The following GCLM variants were observed in gnomAD, a reference collection of about 807,000 sequenced individuals.
GCLM encodes the protein glutamate-cysteine ligase modifier subunit.
GCLM carries 15 observed loss-of-function variants against 36.0 expected under a neutral mutation model. The ratio of observed to expected loss-of-function variants is 0.42; its 90% CI spans 0.28 to 0.64. The LOEUF is 0.64. Among genes scored for constraint, GCLM ranks in the 30% least tolerant of loss-of-function variants. GCLM has a pLI of 0.25. For synonymous variants in GCLM, 129 were observed against 122.8 expected, an observed-to-expected ratio of 1.05 and a Z score of -0.34; for missense variants, 242 against 325.5, an observed-to-expected ratio of 0.74 and a Z score of 1.97.
intron 6 of GCLM, among the ~76,000 whole-genome samples, chr1:93,894,403 T>C (rs1297595178): frequency 6.6e-6 from 1 of 152,092 alleles, no homozygotes; most frequent in Middle Eastern, 3.2e-3. Context: ...GTTCAGGAAA[T>C]GATCCCTTCA....
Position 93,885,215 on chromosome 1 carries a change from T to G in GCLM, c.*3775A>C, listed in dbSNP as rs1571190652. The stretch of plus-strand genomic sequence containing the variant: ...GCTTTATGATTTGGATGTTTTTAAA[T>G]TATTAATTTATTTTCAAATCATACT... On this transcript the variant is annotated 3_prime_UTR_variant, in exon 7 of 7. Coordinates refer to ENST00000370238, the MANE Select transcript of GCLM (RefSeq NM_002061.4). 1 of 152,222 alleles carries G rather than the reference T, an allele frequency of 6.6e-6. No homozygotes were observed. The highest frequency in any genetic ancestry group is 2.4e-5 in the African/African-American group (1 of 41,456). 9.4% of individuals were successfully genotyped at this position (152,222 alleles called of 1,614,324 possible).
chr1:93,892,798 A>G (rs1376730045), intron 6 of GCLM, among the ~76,000 whole-genome samples: 1 of 152,130 alleles, frequency 6.6e-6, no homozygotes, highest in Non-Finnish European at 1.5e-5. Flanking sequence ...TTCCTTTCCT[A>G]CTAGTAAAAG....
chr1:93,892,472 A>C (rs1656572826), intron 6 of GCLM, among the ~76,000 whole-genome samples: 1 of 152,186 alleles, frequency 6.6e-6, no homozygotes, highest in African/African-American at 2.4e-5. Flanking sequence ...TTAAAATTTA[A>C]TTATGGTTGA....
chr1:93,890,211 C>T (rs922088201), intron 6 of GCLM, among the ~76,000 whole-genome samples: 8 of 151,642 alleles, frequency 5.3e-5, no homozygotes, highest in East Asian at 1.9e-4. Flanking sequence ...TGCCCGGCCT[C>T]GAAAAATATT....
chr1:93,901,177 G>A (rs542240025), intron 3 of GCLM, among the ~76,000 whole-genome samples: 1 of 152,236 alleles, frequency 6.6e-6, no homozygotes, highest in African/African-American at 2.4e-5. Flanking sequence ...AACTTGCCCA[G>A]GTTTCTTTTT....
intron 6 of GCLM, among the ~76,000 whole-genome samples, chr1:93,891,890 T>C (rs1025253170): frequency 2.0e-5 from 3 of 152,214 alleles, no homozygotes; most frequent in African/African-American, 7.2e-5. Context: ...ACTCAGTTAA[T>C]CCACATGCTA....
At chr1:93,889,549 CT>C (rs1656454719) in intron 6 of GCLM, among the ~76,000 whole-genome samples, 3 of 151,674 alleles carry the variant, frequency 2.0e-5, no homozygotes, top group Admixed American at 6.6e-5. Context: ...TTCCTTACAA[CT>C]TTTTTGGTGT....
intron 4 of GCLM, 85 bp downstream of exon 4, chr1:93,897,754 C>A: frequency 1.5e-6 from 1 of 685,082 alleles, no homozygotes; most frequent in Non-Finnish European, 2.4e-6. Flanking sequence ...TTTCTTTTTA[C>A]CTGGACCTAA....
At chr1:93,908,541 A>C (rs942410562) in intron 1 of GCLM, 1 of 152,284 alleles carries the variant, frequency 6.6e-6, no homozygotes, top group African/African-American at 2.4e-5. Flanking sequence ...GCCAAAATTG[A>C]GTGCTTACTC....
chr1:93,897,942 A>G (rs368424122), intron 3 of GCLM, 44 bp from the exon 4 acceptor site: 128 of 1,023,530 alleles, frequency 1.3e-4, no homozygotes, highest in Non-Finnish European at 1.7e-5. Context: ...ATTTGGATAC[A>G]CATTTCACTA....
At chr1:93,895,183 T>G (rs1366635081) in intron 5 of GCLM, among the ~76,000 whole-genome samples, 1 of 151,804 alleles carries the variant, frequency 6.6e-6, no homozygotes, top group Non-Finnish European at 1.5e-5. Context: ...CCCAGCTAAT[T>G]TTTTGTATTT....
At chr1:93,905,685 T>G (rs930306491) in intron 1 of GCLM, among the ~76,000 whole-genome samples, 2 of 152,246 alleles carry the variant, frequency 1.3e-5, no homozygotes, top group Non-Finnish European at 1.5e-5. Flanking sequence ...TTCAGACTTA[T>G]TTGATAGTAG....
At position 93,888,071 on chromosome 1, in the gene GCLM, T is replaced by G. The variant is rs1656388776; in HGVS notation, c.*919A>C. On this transcript the variant is annotated 3_prime_UTR_variant, in exon 7 of 7. Coordinates refer to ENST00000370238, the MANE Select transcript of GCLM (RefSeq NM_002061.4). ...CCCCTTTCTGGCTTTTAGTCCTTCC[T>G]AGTCAGTTATTAATGGGGAATAAAT... 1 of 152,204 alleles carries G rather than the reference T, an allele frequency of 6.6e-6. No individual in the cohort carries two copies. The allele number at this position is 152,204 out of a possible 1,614,324, so 9.4% of individuals were successfully genotyped here.
rs182293499 is a variant in GCLM at position 93,898,665 on chromosome 1, T to C, written c.278-767A>G. Among the ~76,000 whole-genome samples, 4 of 152,044 alleles carry C rather than the reference T, an allele frequency of 2.6e-5. No individual in the cohort carries two copies. The East Asian group carries it at 7.8e-4, about 29-fold the overall frequency. On this transcript the variant is annotated intron_variant, in intron 3 of 6. Transcript: ENST00000370238. Reference sequence around the variant, plus strand: ...TTTTTGAGACAGGGTCTCACTTTCATCCAGGCTGGAGTGCAGTGGTGCGAT... The same window carrying C: ...TTTTTGAGACAGGGTCTCACTTTCACCCAGGCTGGAGTGCAGTGGTGCGAT...
chr1:93,901,652 C>T lies in GCLM; in HGVS notation c.210G>A (p.Leu70=). The part of the protein sequence containing the change: ...PDLVREFPDV[L]ECTVSHAVEK... ...CTACTGCATGAGATACAGTGCATTCCAAGACATCTGGAAACTCCTATAATA... is the reference window on the plus strand; with the variant it reads ...CTACTGCATGAGATACAGTGCATTCTAAGACATCTGGAAACTCCTATAATA... Residue 70 remains leucine (L), a synonymous_variant, in exon 3 of 7, where the codon TTG becomes TTA. Coordinates refer to ENST00000370238, the MANE Select transcript of GCLM (RefSeq NM_002061.4). The T allele has an allele frequency of 1.3e-6, 2 of 1,547,078 alleles. No individual in the cohort carries two copies. Among genetic ancestry groups the T allele is most frequent in the Non-Finnish European group, 1.8e-6 (2 of 1,122,928 alleles).
intron 5 of GCLM, 78 bp downstream of exon 5, chr1:93,896,540 A>C: frequency 8.6e-7 from 1 of 1,166,710 alleles, no homozygotes; most frequent in Non-Finnish European, 1.3e-6. Context: ...CACTATGTGC[A>C]TGATGCTCAA....
chr1:93,901,506 A>C, intron 3 of GCLM, 79 bp downstream of exon 3: 1 of 794,456 alleles, frequency 1.3e-6, no homozygotes, highest in Non-Finnish European at 2.2e-6. Context: ...GTCTGAGCAA[A>C]GAAAGGCTTA....
intron 4 of GCLM, among the ~76,000 whole-genome samples, chr1:93,897,608 T>C (rs1406903729): frequency 6.6e-6 from 1 of 152,044 alleles, no homozygotes; most frequent in Non-Finnish European, 1.5e-5. Flanking sequence ...AAACGGATAG[T>C]GAACATTTAA....
Position 93,888,622 on chromosome 1 carries a change from AT to A in GCLM, c.*367del, listed in dbSNP as rs919035233. 14 of 155,142 alleles carry A rather than the reference AT, an allele frequency of 9.0e-5. No individual in the cohort carries two copies. The highest frequency in any genetic ancestry group is 1.7e-4 in the Non-Finnish European group (12 of 69,974). The allele number at this position is 155,142 out of a possible 1,614,324, so 9.6% of individuals were successfully genotyped here. Reference sequence around the variant, plus strand: ...ATAAGAGTTAAGAAGCAATTAATGAATTTTTTTTGGAAATAAAAAATATGTA... The same window carrying A: ...ATAAGAGTTAAGAAGCAATTAATGAATTTTTTTGGAAATAAAAAATATGTA... On this transcript the variant is annotated 3_prime_UTR_variant, in exon 7 of 7. Transcript: ENST00000370238.
Sources: gnomAD v4.1 joint callset for allele counts (sites outside exome capture counted in the v4.1 genomes callset) on GRCh38, gnomAD v4.1.1 for gene constraint, MANE v1.5 for transcripts, NCBI Gene and HGNC (gene_info 2026-07-23, HGNC 2026-07-21) for gene names.